The following STARD13 variants were observed in gnomAD, a reference collection of about 807,000 sequenced individuals.
STARD13 encodes StAR related lipid transfer domain containing 13.
Under a neutral mutation model 106.4 loss-of-function variants are expected in STARD13, and 62 were observed. The ratio of observed to expected loss-of-function variants is 0.58; its 90% CI spans 0.48 to 0.72. The LOEUF (loss-of-function observed/expected upper bound fraction) is 0.72, where lower values mean the gene tolerates loss of function less well. STARD13 is among the 30% of genes least tolerant of loss of function. The pLI is 0.00. For synonymous variants in STARD13, 565 were observed against 553.0 expected (o/e 1.02, Z -0.31); for missense variants, 1,387 against 1,424.0 (o/e 0.97, Z 0.42).
At chr13:33,667,884 A>G in the STARD13 span, among the ~76,000 whole-genome samples, 1 of 152,188 alleles carries the variant, frequency 6.6e-6, no homozygotes, top group Non-Finnish European at 1.5e-5. Context: ...GAACCATAAC[A>G]TGTGAAGGTG....
chr13:33,358,743 C>T, the STARD13 span, among the ~76,000 whole-genome samples: 15 of 151,934 alleles, frequency 9.9e-5, no homozygotes, highest in Non-Finnish European at 1.6e-4. Flanking sequence ...TATCTAGCTG[C>T]TCTGGTGAGG....
downstream of STARD13, among the ~76,000 whole-genome samples, chr13:33,347,159 G>A (rs1183937824): frequency 6.6e-6 from 1 of 152,194 alleles, no homozygotes; most frequent in African/African-American, 2.4e-5. Flanking sequence ...ACCACGCAAC[G>A]TTTCAGTCAA....
Position 33,179,086 on chromosome 13 carries a change from C to G in STARD13, c.170-11464G>C, listed in dbSNP as rs1884985198. Among the ~76,000 whole-genome samples, 3 of 152,192 alleles carry G rather than the reference C, an allele frequency of 2.0e-5. No homozygotes were observed. The South Asian group carries it at 6.2e-4, about 32-fold the overall frequency. On this transcript the variant is annotated intron_variant, in intron 1 of 13. Coordinates refer to ENST00000336934, the MANE Select transcript of STARD13 (RefSeq NM_178006.4). The stretch of plus-strand genomic sequence containing the variant: ...ATTTTGTTCTTAACCAATGGCATAT[C>G]TGTTTCTGGAATAAAGCTCAAGTTT...
the STARD13 span, among the ~76,000 whole-genome samples, chr13:33,393,725 C>A: frequency 6.6e-6 from 1 of 152,134 alleles, no homozygotes; most frequent in African/African-American, 2.4e-5. Flanking sequence ...CATATAAATT[C>A]TCTTACTGGG....
intron 1 of STARD13, among the ~76,000 whole-genome samples, chr13:33,251,775 G>C (rs1009376486): frequency 6.6e-6 from 1 of 152,192 alleles, no homozygotes; most frequent in Non-Finnish European, 1.5e-5. Flanking sequence ...CATTTTTAAT[G>C]TTAGATGGGG....
Position 33,129,532 on chromosome 13 carries a change from C to T in STARD13, c.1145G>A (p.Ser382Asn), listed in dbSNP as rs756081267. 8 of 1,614,180 alleles carry T rather than the reference C, an allele frequency of 5.0e-6. No individual in the cohort carries two copies. The highest frequency in any genetic ancestry group is 6.8e-6 in the Non-Finnish European group (8 of 1,180,032). The change falls in exon 5 of 14, where the codon AGC becomes AAC. Residue 382 changes from serine to asparagine, a missense_variant. By Grantham distance (46) the Ser-to-Asn change is conservative (BLOSUM62 1). Coordinates refer to ENST00000336934, the MANE Select transcript of STARD13 (RefSeq NM_178006.4). ...GTALPDAGDQ[S>N]RMHEFHSQEN... ...TTGGGAGTGAAATTCATGCATACGGCTTTGGTCCCCTGCATCCGGCAGTGC... is the reference window on the plus strand; with the variant it reads ...TTGGGAGTGAAATTCATGCATACGGTTTTGGTCCCCTGCATCCGGCAGTGC...
At chr13:33,364,611 T>C in the STARD13 span, among the ~76,000 whole-genome samples, 7 of 152,170 alleles carry the variant, frequency 4.6e-5, no homozygotes, top group Non-Finnish European at 5.9e-5. Flanking sequence ...AAGAGGAGGC[T>C]GGGCGCGGTG....
chr13:33,610,508 G>T, the STARD13 span, among the ~76,000 whole-genome samples: 1 of 152,252 alleles, frequency 6.6e-6, no homozygotes, highest in African/African-American at 2.4e-5. Flanking sequence ...TCCCAGCCCC[G>T]CGCTGCTCCT....
chr13:33,331,520 T>C, intron 1 of STARD13, among the ~76,000 whole-genome samples: 1 of 94,060 alleles, frequency 1.1e-5, no homozygotes, highest in African/African-American at 4.1e-5. Flanking sequence ...GCCTGGCTGA[T>C]TTTGTATTTT....
intron 1 of STARD13, among the ~76,000 whole-genome samples, chr13:33,326,628 A>AC (rs2077778683): frequency 6.6e-6 from 1 of 152,170 alleles, no homozygotes; most frequent in African/African-American, 2.4e-5. Flanking sequence ...AGGTTCCTGG[A>AC]CCCCCATCTG....
At chr13:33,517,372 A>G in the STARD13 span, among the ~76,000 whole-genome samples, 1 of 152,164 alleles carries the variant, frequency 6.6e-6, no homozygotes, top group Admixed American at 6.6e-5. Context: ...TCATATAGCA[A>G]GTATGCTGGT....
chr13:33,320,508 T>C (rs912120070), intron 1 of STARD13, among the ~76,000 whole-genome samples: 2 of 152,214 alleles, frequency 1.3e-5, no homozygotes, highest in Admixed American at 6.5e-5. Context: ...GCATGGAAAA[T>C]GGCATTTGAA....
chr13:33,514,734 C>G, the STARD13 span, among the ~76,000 whole-genome samples: 21 of 152,184 alleles, frequency 1.4e-4, no homozygotes, highest in South Asian at 4.4e-3. Context: ...TTCAGCTACA[C>G]CACAATATGG....
the STARD13 span, among the ~76,000 whole-genome samples, chr13:33,609,128 A>G: frequency 6.6e-6 from 1 of 151,138 alleles, no homozygotes; most frequent in African/African-American, 2.4e-5. Flanking sequence ...ATTTAACTAC[A>G]TTGAAAATTA....
the STARD13 span, among the ~76,000 whole-genome samples, chr13:33,654,499 A>T: frequency 6.6e-6 from 1 of 152,102 alleles, no homozygotes; most frequent in Non-Finnish European, 1.5e-5. Context: ...TAATGGGGGC[A>T]GGCATCTTCT....
chr13:33,382,421 G>T, the STARD13 span, among the ~76,000 whole-genome samples: 13 of 152,032 alleles, frequency 8.6e-5, no homozygotes, highest in Non-Finnish European at 1.3e-4. Flanking sequence ...CAACTCTCGG[G>T]ATGCCATGTA....
the STARD13 span, among the ~76,000 whole-genome samples, chr13:33,585,948 A>T: frequency 6.6e-6 from 1 of 152,280 alleles, no homozygotes; most frequent in Admixed American, 6.5e-5. Flanking sequence ...GGGAATGGAA[A>T]GTTACTGTTT....
the STARD13 span, among the ~76,000 whole-genome samples, chr13:33,507,705 T>C: frequency 6.6e-6 from 1 of 152,244 alleles, no homozygotes; most frequent in Admixed American, 6.5e-5. Context: ...GTTGACTGCA[T>C]TCCTTACTAA....
chr13:33,673,346 G>T, the STARD13 span, among the ~76,000 whole-genome samples: 4 of 151,994 alleles, frequency 2.6e-5, no homozygotes, highest in African/African-American at 9.7e-5. Context: ...GCCTACATTT[G>T]TGGCCATCTG....
Sources: allele counts gnomAD v4.1 joint callset (sites outside exome capture counted in the v4.1 genomes callset), GRCh38; gene constraint gnomAD v4.1.1; transcripts MANE v1.5; gene names NCBI Gene and HGNC (gene_info 2026-07-23, HGNC 2026-07-21).